TAF15: variants seen among roughly 807,000 people sequenced by gnomAD.
TAF15 encodes TATA-box binding protein associated factor 15, also known as TATA-binding protein-associated factor 2N.
TAF15 carries 37 observed loss-of-function variants against 102.5 expected under a neutral mutation model. That is an observed-to-expected ratio of 0.36 (90% CI 0.28 to 0.47). TAF15 has a LOEUF of 0.47. TAF15 is among the 20% of genes least tolerant of loss of function. TAF15 has a pLI of 0.99. For missense variants in TAF15, 652 were observed against 760.7 expected (o/e 0.86, Z 1.68); for synonymous variants, 273 against 259.2 (o/e 1.05, Z -0.51).
At chr17:35,835,491 A>G (rs1474506668) in intron 9 of TAF15, among the ~76,000 whole-genome samples, 1 of 152,236 alleles carries the variant, frequency 6.6e-6, no homozygotes, top group East Asian at 1.9e-4. Flanking sequence ...ATTTGAAATC[A>G]GAACTTTTGT....
chr17:35,819,809 G>A (rs1365989201), intron 2 of TAF15, among the ~76,000 whole-genome samples: 1 of 152,082 alleles, frequency 6.6e-6, no homozygotes, highest in Non-Finnish European at 1.5e-5. Context: ...TTGGGTATTT[G>A]TTTCCCATTC....
intron 8 of TAF15, 21 bp downstream of exon 8, chr17:35,833,962 A>G: frequency 6.2e-7 from 1 of 1,613,524 alleles, no homozygotes; most frequent in Non-Finnish European, 8.5e-7. Context: ...AGTATCCCAA[A>G]ATGTTTCAGT....
Position 35,817,814 on chromosome 17 carries a change from A to G in TAF15, c.47+59A>G, listed in dbSNP as rs1168751428. On this transcript the variant is annotated intron_variant, in intron 2 of 15. Transcript: ENST00000605844. ...GGTAGAACTGAGGTGAATTTTGTCA[A>G]GCTTCTTCTCTTGAGACTTGATGCT... 2.0e-6 allele frequency: 3 copies of G among 1,469,854 alleles called. No individual in the cohort carries two copies. The East Asian group carries it at 6.8e-5, about 33-fold the overall frequency. The allele number at this position is 1,469,854 out of a possible 1,614,324, so 91.1% of individuals were successfully genotyped here. A position where few individuals can be genotyped will look rare whatever the true frequency, so the allele number is the denominator to read the frequency against.
intron 8 of TAF15, chr17:35,834,179 A>G (rs2087441514): frequency 2.8e-6 from 1 of 361,642 alleles, no homozygotes; most frequent in Non-Finnish European, 4.8e-6. Flanking sequence ...GTGAATTTGC[A>G]TGAAAGAGTC....
intron 6 of TAF15, chr17:35,823,684 T>C (rs2087291036): frequency 3.8e-6 from 1 of 262,534 alleles, no homozygotes; most frequent in Non-Finnish European, 7.0e-6. Context: ...CAGCCTGGGC[T>C]ACAGAGCGAG....
At chr17:35,820,786 T>A (rs926024121) in intron 5 of TAF15, among the ~76,000 whole-genome samples, 26 of 152,296 alleles carry the variant, frequency 1.7e-4, no homozygotes, top group Middle Eastern at 3.4e-3. Flanking sequence ...TTGAACCATT[T>A]GAATATATTA....
At chr17:35,821,517 T>C (rs1047190272) in intron 5 of TAF15, among the ~76,000 whole-genome samples, 10 of 152,220 alleles carry the variant, frequency 6.6e-5, no homozygotes, top group African/African-American at 2.4e-4. Context: ...GGGAACATAC[T>C]GATCTTTTAT....
chr17:35,828,188 A>AC (rs2087353843), intron 7 of TAF15, among the ~76,000 whole-genome samples: 1 of 152,190 alleles, frequency 6.6e-6, no homozygotes, highest in South Asian at 2.1e-4. Context: ...TATTCAGTTA[A>AC]CTGCCGTAGA....
At chr17:35,821,184 A>C (rs1363228331) in intron 5 of TAF15, among the ~76,000 whole-genome samples, 2 of 152,186 alleles carry the variant, frequency 1.3e-5, no homozygotes, top group African/African-American at 4.8e-5. Flanking sequence ...CATTTATTCT[A>C]AGTGAAAATT....
Position 35,844,919 on chromosome 17 carries a change from C to T in TAF15, c.1620C>T (p.Gly540=). 1 of 1,610,146 alleles carries T rather than the reference C, an allele frequency of 6.2e-7. No individual in the cohort carries two copies. The highest frequency in any genetic ancestry group is 8.5e-7 in the Non-Finnish European group (1 of 1,178,856). ...GYGGDRGGGS[G]YGGDRSGGYG... ...GAGGAGACCGTGGTGGTGGCAGTGGCTACGGTGGAGACCGAAGTGGAGGCT... is the reference window on the plus strand; with the variant it reads ...GAGGAGACCGTGGTGGTGGCAGTGGTTACGGTGGAGACCGAAGTGGAGGCT... Residue 540 remains glycine (G), a synonymous_variant, in exon 15 of 16, where the codon GGC becomes GGT. Coordinates refer to ENST00000605844, the MANE Select transcript of TAF15 (RefSeq NM_139215.3).
chr17:35,819,432 A>G (rs889876073), intron 2 of TAF15, among the ~76,000 whole-genome samples: 2 of 152,200 alleles, frequency 1.3e-5, no homozygotes, highest in African/African-American at 2.4e-5. Flanking sequence ...TTATTGAGCT[A>G]TGTGCCAGGC....
chr17:35,809,998 G>T, intron 1 of TAF15: 1 of 320,670 alleles, frequency 3.1e-6, no homozygotes, highest in Non-Finnish European at 5.9e-6. Context: ...TCATCTCGCC[G>T]CCTCGTACCT....
At chr17:35,831,361 C>A (rs553674123) in intron 7 of TAF15, among the ~76,000 whole-genome samples, 15 of 150,082 alleles carry the variant, frequency 1.0e-4, no homozygotes, top group Non-Finnish European at 1.9e-4. Context: ...GAGCCGAGAT[C>A]GCGCCACTGC....
At chr17:35,813,632 TCCC>T (rs56678256) in intron 1 of TAF15, among the ~76,000 whole-genome samples, 32 of 108,308 alleles carry the variant, frequency 3.0e-4, no homozygotes, top group African/African-American at 7.6e-4. Context: ...CGAGACCCTG[TCCC>T]CCCCCCCCCG....
chr17:35,819,354 G>C lies in TAF15; in HGVS notation c.48-670G>C, dbSNP rs1160689890. ...GAAAGTTTGTTTCTGACTTGTTAGA[G>C]CTTATATACTATAAAATTAATATTC... is the stretch of plus-strand genomic sequence containing the variant. On this transcript the variant is annotated intron_variant, in intron 2 of 15. Coordinates refer to ENST00000605844, the MANE Select transcript of TAF15 (RefSeq NM_139215.3). 3.3e-5 allele frequency among the ~76,000 whole-genome samples: 5 copies of C among 152,232 alleles called. No homozygotes were observed. The East Asian group carries it at 7.7e-4, about 23-fold the overall frequency.
At chr17:35,822,532 T>C (rs1053173809) in intron 5 of TAF15, 108 bp from the exon 6 acceptor site, 11 of 981,230 alleles carry the variant, frequency 1.1e-5, no homozygotes, top group East Asian at 2.6e-5. Context: ...GTCATAAATA[T>C]GGTTAATGTC....
chr17:35,829,685 T>C (rs187122056), intron 7 of TAF15, among the ~76,000 whole-genome samples: 1 of 150,162 alleles, frequency 6.7e-6, no homozygotes, highest in African/African-American at 2.4e-5. Context: ...GTAGAGATTC[T>C]GTCAAAGAAC....
At chr17:35,838,994 C>T (rs2087508651) in intron 11 of TAF15, among the ~76,000 whole-genome samples, 1 of 151,928 alleles carries the variant, frequency 6.6e-6, no homozygotes, top group Non-Finnish European at 1.5e-5. Context: ...GGCCAGGTGG[C>T]ATTGCTTATG....
intron 12 of TAF15, among the ~76,000 whole-genome samples, chr17:35,843,402 G>A (rs748889470): frequency 2.6e-5 from 4 of 152,212 alleles, no homozygotes; most frequent in African/African-American, 7.2e-5. Context: ...TGGATTACAG[G>A]TGTGAGCCAC....
Sources: gnomAD v4.1 joint callset for allele counts (sites outside exome capture counted in the v4.1 genomes callset) on GRCh38, gnomAD v4.1.1 for gene constraint, MANE v1.5 for transcripts, NCBI Gene and HGNC (gene_info 2026-07-23, HGNC 2026-07-21) for gene names.